TENM2: variants seen among roughly 807,000 people sequenced by gnomAD.
TENM2 encodes the protein teneurin transmembrane protein 2, also known as teneurin-2.
A neutral mutation model predicts 245.2 loss-of-function variants in TENM2; 52 were observed. That is an observed-to-expected ratio of 0.21 (90% CI 0.17 to 0.27). TENM2 has a LOEUF of 0.27. TENM2 is among the 10% of genes least tolerant of loss of function. TENM2 has a pLI of 1.00. For synonymous variants in TENM2, 1,363 were observed against 1,438.9 expected, an observed-to-expected ratio of 0.95 and a Z score of 1.19; for missense variants, 3,046 against 3,666.8, an observed-to-expected ratio of 0.83 and a Z score of 4.37.
the TENM2 span, among the ~76,000 whole-genome samples, chr5:167,100,834 A>G: frequency 1.3e-5 from 2 of 152,184 alleles, no homozygotes; most frequent in Admixed American, 1.3e-4. Context: ...AAACATTTTG[A>G]TGACTCAGAA....
chr5:167,240,981 T>C, the TENM2 span, among the ~76,000 whole-genome samples: 1 of 152,158 alleles, frequency 6.6e-6, no homozygotes, highest in African/African-American at 2.4e-5. Context: ...TATCTTTTCT[T>C]TACATGTTCT....
chr5:167,733,862 T>C (rs1554107461), intron 2 of TENM2, among the ~76,000 whole-genome samples: 2 of 152,144 alleles, frequency 1.3e-5, no homozygotes, highest in African/African-American at 4.8e-5. Flanking sequence ...AGTCACTCCA[T>C]ATGCATAGTG....
the TENM2 span, among the ~76,000 whole-genome samples, chr5:166,988,007 A>G: frequency 1.3e-5 from 2 of 152,154 alleles, no homozygotes; most frequent in African/African-American, 2.4e-5. Flanking sequence ...TCTTTTATCA[A>G]TCATTTGTGG....
At chr5:167,674,538 T>C (rs749378474) in intron 2 of TENM2, among the ~76,000 whole-genome samples, 6 of 151,908 alleles carry the variant, frequency 3.9e-5, no homozygotes, top group Non-Finnish European at 5.9e-5. Context: ...TAAAGGAAAA[T>C]AATAATAATT....
chr5:167,594,270 C>G (rs1776056550), intron 2 of TENM2, among the ~76,000 whole-genome samples: 1 of 152,112 alleles, frequency 6.6e-6, no homozygotes, highest in African/African-American at 2.4e-5. Flanking sequence ...AAGTTGTATT[C>G]CCCATTGATA....
At chr5:167,268,078 C>A in the TENM2 span, among the ~76,000 whole-genome samples, 1 of 152,008 alleles carries the variant, frequency 6.6e-6, no homozygotes, top group Non-Finnish European at 1.5e-5. Flanking sequence ...CTTGAACTAT[C>A]AACATTTTTG....
At chr5:168,140,549 C>A (rs985586583) in intron 12 of TENM2, among the ~76,000 whole-genome samples, 1 of 152,132 alleles carries the variant, frequency 6.6e-6, no homozygotes, top group African/African-American at 2.4e-5. Flanking sequence ...TGTGTGCATG[C>A]GTGTGTGTGC....
chr5:168,167,587 C>T (rs1044906052), intron 13 of TENM2, among the ~76,000 whole-genome samples: 11 of 152,286 alleles, frequency 7.2e-5, no homozygotes, highest in Admixed American at 3.9e-4. Context: ...GAGCCTGTCC[C>T]GTCACCCCGC....
chr5:167,326,113 TGAA>T (rs1757059234), intron 1 of TENM2, among the ~76,000 whole-genome samples: 1 of 151,996 alleles, frequency 6.6e-6, no homozygotes, highest in Admixed American at 6.6e-5. Flanking sequence ...GGTACAGGCT[TGAA>T]GAGAGAGTGT....
chr5:167,135,188 C>G, the TENM2 span, among the ~76,000 whole-genome samples: 1 of 152,138 alleles, frequency 6.6e-6, no homozygotes, highest in African/African-American at 2.4e-5. Flanking sequence ...TTATTAATCT[C>G]ATTCTATGAC....
chr5:167,987,658 AC>A (rs1783351934), intron 4 of TENM2, among the ~76,000 whole-genome samples: 1 of 151,844 alleles, frequency 6.6e-6, no homozygotes, highest in African/African-American at 2.4e-5. Context: ...CCCAGACTCC[AC>A]CCCATACCTG....
At chr5:168,127,824 G>A (rs959669452) in intron 12 of TENM2, among the ~76,000 whole-genome samples, 1 of 152,116 alleles carries the variant, frequency 6.6e-6, no homozygotes, top group Non-Finnish European at 1.5e-5. Flanking sequence ...TACTAAGCTG[G>A]TTAATCTACT....
At chr5:167,108,025 C>T in the TENM2 span, among the ~76,000 whole-genome samples, 1 of 152,194 alleles carries the variant, frequency 6.6e-6, no homozygotes, top group African/African-American at 2.4e-5. Flanking sequence ...CCTTTCCTCT[C>T]TCTTCACTTC....
chr5:167,192,635 G>C, the TENM2 span, among the ~76,000 whole-genome samples: 28 of 152,198 alleles, frequency 1.8e-4, 1 homozygote, highest in East Asian at 5.0e-3. Context: ...AATGGAGTCA[G>C]ATAGGCAATA....
At chr5:167,917,767 A>C (rs903537514) in intron 3 of TENM2, among the ~76,000 whole-genome samples, 1 of 152,186 alleles carries the variant, frequency 6.6e-6, no homozygotes, top group Non-Finnish European at 1.5e-5. Context: ...ACACTTGTCT[A>C]TCTCCCTAGT....
At chr5:167,574,695 G>A (rs1464618502) in intron 2 of TENM2, among the ~76,000 whole-genome samples, 4 of 152,322 alleles carry the variant, frequency 2.6e-5, no homozygotes, top group African/African-American at 9.6e-5. Flanking sequence ...TGAAATGGGA[G>A]TTAACTCTGG....
intron 3 of TENM2, among the ~76,000 whole-genome samples, chr5:167,906,189 A>AAAAAT (rs1381404795): frequency 6.6e-6 from 1 of 152,230 alleles, no homozygotes; most frequent in South Asian, 2.1e-4. Flanking sequence ...TTATTTTAAA[A>AAAAAT]AAAATAAAAT....
At chr5:167,453,340 C>G (rs1765721328) in intron 2 of TENM2, among the ~76,000 whole-genome samples, 1 of 152,072 alleles carries the variant, frequency 6.6e-6, no homozygotes. Context: ...ACATCTTCCA[C>G]CAATCTGTCA....
chr5:167,257,040 C>T, the TENM2 span, among the ~76,000 whole-genome samples: 3 of 152,030 alleles, frequency 2.0e-5, no homozygotes, highest in South Asian at 6.2e-4. Flanking sequence ...CTTCAATACT[C>T]TAGGAGTTAA....
Sources: gnomAD v4.1 joint callset for allele counts (sites outside exome capture counted in the v4.1 genomes callset) on GRCh38, gnomAD v4.1.1 for gene constraint, MANE v1.5 for transcripts, NCBI Gene and HGNC (gene_info 2026-07-23, HGNC 2026-07-21) for gene names.